GALNT18: variants seen among roughly 807,000 people sequenced by gnomAD.
The protein encoded by GALNT18 is polypeptide N-acetylgalactosaminyltransferase 18, also known as GalNAc-transferase 18.
In GALNT18, 44 loss-of-function variants were observed where a neutral mutation model predicts 69.5. The observed-to-expected ratio is 0.63, with a 90% confidence interval of 0.50 to 0.81. The LOEUF is 0.81. GALNT18 is among the 40% of genes least tolerant of loss of function. GALNT18 has a pLI of 0.00. For missense variants in GALNT18, 715 were observed against 810.0 expected (o/e 0.88, Z 1.42); for synonymous variants, 364 against 318.2 (o/e 1.14, Z -1.53).
chr11:11,384,133 C>G (rs971838898), intron 3 of GALNT18, among the ~76,000 whole-genome samples: 1 of 152,024 alleles, frequency 6.6e-6, no homozygotes, highest in African/African-American at 2.4e-5. Context: ...GTAAACAAGA[C>G]AGTCTGCAAT....
At chr11:11,612,497 T>C (rs1391634709) in intron 1 of GALNT18, among the ~76,000 whole-genome samples, 1 of 152,240 alleles carries the variant, frequency 6.6e-6, no homozygotes, top group Non-Finnish European at 1.5e-5. Flanking sequence ...ACTGTTCTCC[T>C]AAATCCCCAG....
rs114439924 is a variant in GALNT18 at position 11,368,298 on chromosome 11, T to C, written c.1092+4217A>G. Among the ~76,000 whole-genome samples, 1,123 of 152,366 alleles carry C rather than the reference T, an allele frequency of 7.4e-3. 16 individuals carry two copies. The highest frequency in any genetic ancestry group is 0.026 in the African/African-American group (1,073 of 41,592). On this transcript the variant is annotated intron_variant, in intron 6 of 10. Transcript: ENST00000227756. ...GTATATCTAAATGGGGATATCTTTA[T>C]ATTTACCTCACTTTGGATGGCATGA...
chr11:11,343,639 T>A (rs1042045243), intron 6 of GALNT18, among the ~76,000 whole-genome samples: 4 of 152,214 alleles, frequency 2.6e-5, no homozygotes, highest in Non-Finnish European at 4.4e-5. Flanking sequence ...TCAGGTTCTC[T>A]ATGAAAGCCT....
At position 11,448,945 on chromosome 11, in the gene GALNT18, A is replaced by G; in HGVS notation, c.236-9T>C. On this transcript the variant is annotated splice_polypyrimidine_tract_variant and intron_variant, in intron 1 of 10. Coordinates refer to ENST00000227756, the MANE Select transcript of GALNT18 (RefSeq NM_198516.3). ...AGGCTTGGCAGGAGCCTCTGGAGAA[A>G]GAAGGAACAGGAGACAGTGGGTCAG... is the stretch of plus-strand genomic sequence containing the variant. 1 of 1,571,472 alleles carries G rather than the reference A, an allele frequency of 6.4e-7. No individual in the cohort carries two copies. The highest frequency in any genetic ancestry group is 8.6e-7 in the Non-Finnish European group (1 of 1,159,908).
At chr11:11,302,302 G>T (rs1339507313) in intron 9 of GALNT18, among the ~76,000 whole-genome samples, 1 of 152,184 alleles carries the variant, frequency 6.6e-6, no homozygotes, top group Non-Finnish European at 1.5e-5. Context: ...ACAAGACAAA[G>T]AATGGGTGCC....
chr11:11,437,156 G>GTCACGCTCTGGGAT (rs1299918922), intron 2 of GALNT18, among the ~76,000 whole-genome samples: 9 of 152,308 alleles, frequency 5.9e-5, no homozygotes, highest in African/African-American at 1.9e-4. Flanking sequence ...AGCTCTGGGA[G>GTCACGCTCTGGGAT]TCACACTCTG....
chr11:11,380,607 T>C (rs868342889), intron 3 of GALNT18, among the ~76,000 whole-genome samples: 1 of 152,228 alleles, frequency 6.6e-6, no homozygotes, highest in Admixed American at 6.5e-5. Context: ...TGCTAACATA[T>C]ACTTACAAAT....
chr11:11,446,723 C>G (rs1030709156), intron 2 of GALNT18, among the ~76,000 whole-genome samples: 2 of 152,226 alleles, frequency 1.3e-5, no homozygotes, highest in Non-Finnish European at 2.9e-5. Context: ...GCCTTGCCCC[C>G]TCGGTCTGTT....
chr11:11,424,238 G>A (rs569537877), intron 3 of GALNT18, among the ~76,000 whole-genome samples: 1 of 152,202 alleles, frequency 6.6e-6, no homozygotes, highest in African/African-American at 2.4e-5. Context: ...CCTGGCTCTG[G>A]TCTGCCCTCC....
At chr11:11,379,877 T>C (rs562011451) in intron 3 of GALNT18, among the ~76,000 whole-genome samples, 1 of 152,318 alleles carries the variant, frequency 6.6e-6, no homozygotes, top group East Asian at 1.9e-4. Context: ...TGCCTCTGCT[T>C]CTTCATAACT....
chr11:11,513,836 G>A (rs1857212107), intron 1 of GALNT18, among the ~76,000 whole-genome samples: 1 of 152,112 alleles, frequency 6.6e-6, no homozygotes, highest in South Asian at 2.1e-4. Context: ...TTGTTCTTTT[G>A]TTGTAAGTGG....
intron 1 of GALNT18, among the ~76,000 whole-genome samples, chr11:11,484,757 G>A (rs926973397): frequency 6.6e-6 from 1 of 152,178 alleles, no homozygotes; most frequent in Non-Finnish European, 1.5e-5. Flanking sequence ...CAGAACCCAA[G>A]TTATGGGGGG....
chr11:11,505,561 T>C lies in GALNT18; in HGVS notation c.236-56625A>G, dbSNP rs1429688879. ...CCTGGGTTGCATATTACAGCTTCCATTGCCTTACCACCTCCTCCCCCATCA... is the reference window on the plus strand; with the variant it reads ...CCTGGGTTGCATATTACAGCTTCCACTGCCTTACCACCTCCTCCCCCATCA... On this transcript the variant is annotated intron_variant, in intron 1 of 10. Coordinates refer to ENST00000227756, the MANE Select transcript of GALNT18 (RefSeq NM_198516.3). This position sits in a 1 kb window ranked among gnomAD's most constrained non-coding sequence, Gnocchi z 4.6. Among the ~76,000 whole-genome samples the C allele has an allele frequency of 6.6e-6, 1 of 152,142 alleles. No individual in the cohort carries two copies. The highest frequency in any genetic ancestry group is 2.4e-5 in the African/African-American group (1 of 41,432).
At chr11:11,489,473 G>T (rs530121360) in intron 1 of GALNT18, among the ~76,000 whole-genome samples, 1 of 152,280 alleles carries the variant, frequency 6.6e-6, no homozygotes, top group South Asian at 2.1e-4. Context: ...ATGCCCACCT[G>T]TGCCCACCAC....
chr11:11,485,829 G>T (rs1856632213), intron 1 of GALNT18, among the ~76,000 whole-genome samples: 1 of 152,216 alleles, frequency 6.6e-6, no homozygotes, highest in African/African-American at 2.4e-5. Flanking sequence ...GAACTGTGGG[G>T]CAGGGAAACC....
intron 5 of GALNT18, among the ~76,000 whole-genome samples, chr11:11,375,869 C>T (rs931226607): frequency 1.2e-4 from 19 of 152,180 alleles, no homozygotes; most frequent in African/African-American, 4.6e-4. Context: ...TATGAGTATA[C>T]ATTTTTTCTT....
chr11:11,509,126 G>A (rs967626490), intron 1 of GALNT18, among the ~76,000 whole-genome samples: 24 of 151,612 alleles, frequency 1.6e-4, no homozygotes, highest in South Asian at 4.2e-4. Context: ...TGAATGCCCT[G>A]ATTCTCATCT....
intron 1 of GALNT18, among the ~76,000 whole-genome samples, chr11:11,551,957 A>C (rs1240347839): frequency 6.6e-6 from 1 of 152,220 alleles, no homozygotes; most frequent in African/African-American, 2.4e-5. Flanking sequence ...AAGTACATTG[A>C]TCAGTTAAGG....
intron 9 of GALNT18, among the ~76,000 whole-genome samples, chr11:11,312,411 A>G: frequency 6.6e-6 from 1 of 152,244 alleles, no homozygotes; most frequent in East Asian, 1.9e-4. Flanking sequence ...AATAGAAATA[A>G]GAAATCACAA....
Sources: gnomAD v4.1 joint callset for allele counts (sites outside exome capture counted in the v4.1 genomes callset) on GRCh38, gnomAD v4.1.1 for gene constraint, Gnocchi (gnomAD v3.1) non-coding constraint, MANE v1.5 for transcripts, NCBI Gene and HGNC (gene_info 2026-07-23, HGNC 2026-07-21) for gene names.